The following CNTNAP2 variants were observed in gnomAD, a reference collection of about 807,000 sequenced individuals.
The protein encoded by CNTNAP2 is contactin-associated protein-like 2.
CNTNAP2 carries 98 observed loss-of-function variants against 155.2 expected under a neutral mutation model. The observed-to-expected ratio is 0.63, with a 90% CI of 0.54 to 0.75. The LOEUF (loss-of-function observed/expected upper bound fraction) is 0.75. Among genes scored for constraint, CNTNAP2 ranks in the 30% least tolerant of loss-of-function variants. The pLI, the probability that CNTNAP2 is intolerant of heterozygous loss-of-function variation, is 0.00. For missense variants in CNTNAP2, 1,727 were observed against 1,688.1 expected, an observed-to-expected ratio of 1.02 and a Z score of -0.40; for synonymous variants, 651 against 631.2, an observed-to-expected ratio of 1.03 and a Z score of -0.47.
chr7:147,671,770 C>G (rs756771366), intron 13 of CNTNAP2: 1 of 152,134 alleles, frequency 6.6e-6, no homozygotes, highest in South Asian at 2.1e-4. Context: ...TGATCGAGCT[C>G]CAAAAGGGAA....
At chr7:146,155,686 A>T (rs1276125001) in intron 1 of CNTNAP2, among the ~76,000 whole-genome samples, 1 of 67,900 alleles carries the variant, frequency 1.5e-5, no homozygotes, top group South Asian at 4.1e-4. Flanking sequence ...AAACAATATC[A>T]TTATTATTAT....
chr7:146,520,655 A>G (rs1283473609), intron 1 of CNTNAP2, among the ~76,000 whole-genome samples: 4 of 151,910 alleles, frequency 2.6e-5, no homozygotes, highest in Admixed American at 6.6e-5. Context: ...AGCTATAATT[A>G]TATTGTTTCT....
intron 23 of CNTNAP2, among the ~76,000 whole-genome samples, chr7:148,414,127 A>G (rs1799924410): frequency 8.6e-6 from 1 of 116,210 alleles, no homozygotes; most frequent in African/African-American, 3.3e-5. Flanking sequence ...CACAAGCTGG[A>G]GTGCAGTGGC....
chr7:147,801,852 C>T (rs767117781), intron 13 of CNTNAP2, among the ~76,000 whole-genome samples: 109 of 151,198 alleles, frequency 7.2e-4, no homozygotes, highest in Admixed American at 8.5e-4. Flanking sequence ...ACCTCCCAGA[C>T]GGGGGGGGCG....
At chr7:148,044,165 G>T (rs1453208945) in intron 15 of CNTNAP2, among the ~76,000 whole-genome samples, 1 of 149,714 alleles carries the variant, frequency 6.7e-6, no homozygotes, top group African/African-American at 2.5e-5. Flanking sequence ...TATCTAACTT[G>T]GCCAACTAAT....
chr7:146,589,682 G>A (rs922830324), intron 1 of CNTNAP2, among the ~76,000 whole-genome samples: 6 of 151,870 alleles, frequency 4.0e-5, no homozygotes, highest in Non-Finnish European at 8.8e-5. Context: ...AACCACCATG[G>A]CACGTGTATA....
At chr7:146,975,396 CA>C (rs1797890727) in intron 3 of CNTNAP2, among the ~76,000 whole-genome samples, 2 of 152,040 alleles carry the variant, frequency 1.3e-5, no homozygotes, top group Admixed American at 1.3e-4. Context: ...ACCTGGCAGA[CA>C]GAGGTTAAAG....
At chr7:148,226,273 T>C (rs1776787864) in intron 19 of CNTNAP2, among the ~76,000 whole-genome samples, 1 of 152,118 alleles carries the variant, frequency 6.6e-6, no homozygotes, top group Non-Finnish European at 1.5e-5. Flanking sequence ...ATGTGGTGTC[T>C]GATGGGCATA....
intron 11 of CNTNAP2, among the ~76,000 whole-genome samples, chr7:147,552,338 G>T (rs6966564): frequency 0.44 from 67,427 of 151,692 alleles, 15,173 homozygotes; most frequent in East Asian, 0.6. Flanking sequence ...CAGTCCTATT[G>T]CCTCATTCAT....
At chr7:147,005,618 A>T (rs1031535183) in intron 3 of CNTNAP2, among the ~76,000 whole-genome samples, 9 of 152,020 alleles carry the variant, frequency 5.9e-5, no homozygotes, top group African/African-American at 2.2e-4. Flanking sequence ...GGGTGCAGTG[A>T]TGGTAAGGTG....
At chr7:148,000,916 C>T (rs1024369722) in intron 15 of CNTNAP2, among the ~76,000 whole-genome samples, 11 of 152,202 alleles carry the variant, frequency 7.2e-5, no homozygotes, top group Non-Finnish European at 1.2e-4. Context: ...GGAGGATCCC[C>T]TTCTTGACTT....
intron 12 of CNTNAP2, among the ~76,000 whole-genome samples, chr7:147,634,223 G>A (rs574514183): frequency 6.6e-6 from 1 of 152,318 alleles, no homozygotes; most frequent in Non-Finnish European, 1.5e-5. Flanking sequence ...ATCAACCAAT[G>A]AGTGGATAAA....
intron 3 of CNTNAP2, among the ~76,000 whole-genome samples, chr7:146,875,391 G>C (rs1005693839): frequency 2.6e-5 from 4 of 152,086 alleles, no homozygotes; most frequent in Admixed American, 6.6e-5. Context: ...TTAAATCTAG[G>C]CCCTGACCTC....
chr7:147,238,565 A>G (rs952361860), intron 8 of CNTNAP2, among the ~76,000 whole-genome samples: 1 of 152,060 alleles, frequency 6.6e-6, no homozygotes, highest in Non-Finnish European at 1.5e-5. Context: ...TTTTCACATC[A>G]GAATCAATAA....
intron 1 of CNTNAP2, among the ~76,000 whole-genome samples, chr7:146,158,804 G>C (rs551009340): frequency 6.6e-6 from 1 of 152,318 alleles, no homozygotes; most frequent in South Asian, 2.1e-4. Context: ...ATGGAACCAA[G>C]TTGGAAAACA....
At chr7:147,618,144 T>C (rs1801326898) in intron 12 of CNTNAP2, among the ~76,000 whole-genome samples, 2 of 152,208 alleles carry the variant, frequency 1.3e-5, no homozygotes, top group African/African-American at 4.8e-5. Context: ...ATTCGTTTTA[T>C]TAAGCAAGCC....
intron 3 of CNTNAP2, among the ~76,000 whole-genome samples, chr7:147,025,779 G>A (rs906416838): frequency 9.3e-5 from 14 of 151,300 alleles, no homozygotes; most frequent in African/African-American, 3.4e-4. Flanking sequence ...GTATGTGTGT[G>A]TATACATTAC....
intron 1 of CNTNAP2, among the ~76,000 whole-genome samples, chr7:146,685,259 C>T (rs765228518): frequency 2.0e-5 from 3 of 152,112 alleles, no homozygotes; most frequent in South Asian, 4.2e-4. Flanking sequence ...GGTATTGTGC[C>T]GCTTTATTTT....
intron 3 of CNTNAP2, among the ~76,000 whole-genome samples, chr7:146,850,153 G>C (rs1794847005): frequency 6.6e-6 from 1 of 152,162 alleles, no homozygotes; most frequent in African/African-American, 2.4e-5. Context: ...AGTGCTGACA[G>C]GCTGTCTGAA....
Sources: gnomAD v4.1 joint callset for allele counts (sites outside exome capture counted in the v4.1 genomes callset) on GRCh38, gnomAD v4.1.1 for gene constraint, MANE v1.5 for transcripts, NCBI Gene and HGNC (gene_info 2026-07-23, HGNC 2026-07-21) for gene names.